Variants in CACNA1E observed in about 807,000 individuals in gnomAD.
CACNA1E encodes the protein voltage-dependent R-type calcium channel subunit alpha-1E.
In CACNA1E, 40 loss-of-function variants were observed where a neutral mutation model predicts 259.2. The observed-to-expected ratio is 0.15, with a 90% CI of 0.12 to 0.20. The LOEUF (loss-of-function observed/expected upper bound fraction) is 0.20, where lower values mean the gene tolerates loss of function less well. Among genes scored for constraint, CACNA1E ranks in the 10% least tolerant of loss-of-function variants. The pLI, the probability that CACNA1E is intolerant of heterozygous loss-of-function variation, is 1.00. For missense variants in CACNA1E, 1,874 were observed against 3,040.1 expected (o/e 0.62, Z 9.02); for synonymous variants, 1,104 against 1,138.5 (o/e 0.97, Z 0.61).
intron 2 of CACNA1E, among the ~76,000 whole-genome samples, chr1:181,455,458 G>A (rs1461824884): frequency 2.0e-5 from 3 of 152,154 alleles, no homozygotes; most frequent in Non-Finnish European, 2.9e-5. Flanking sequence ...GGTCTGTTCA[G>A]GGCAATAGGG....
chr1:181,373,473 T>C (rs1479180167), intron 1 of CACNA1E, among the ~76,000 whole-genome samples: 10 of 152,042 alleles, frequency 6.6e-5, no homozygotes, highest in Admixed American at 2.0e-4. Context: ...GTGGGGTTGA[T>C]GGTAAGTCAC....
intron 1 of CACNA1E, among the ~76,000 whole-genome samples, chr1:181,392,709 C>A (rs2102045536): frequency 6.6e-6 from 1 of 152,232 alleles, no homozygotes; most frequent in African/African-American, 2.4e-5. Context: ...CAAAAGGGTG[C>A]TTTAGAAATA....
chr1:181,439,604 C>T (rs1180629147), intron 2 of CACNA1E, among the ~76,000 whole-genome samples: 2 of 152,178 alleles, frequency 1.3e-5, no homozygotes, highest in African/African-American at 2.4e-5. Flanking sequence ...TTATTTGTCA[C>T]CTTTAATTGC....
intron 6 of CACNA1E, among the ~76,000 whole-genome samples, chr1:181,633,258 C>T (rs1656909433): frequency 6.6e-6 from 1 of 152,086 alleles, no homozygotes; most frequent in Non-Finnish European, 1.5e-5. Context: ...AAAGCAGAAC[C>T]TGAGTATAAT....
chr1:181,399,817 G>A (rs941327186), intron 1 of CACNA1E, among the ~76,000 whole-genome samples: 1 of 152,158 alleles, frequency 6.6e-6, no homozygotes, highest in African/African-American at 2.4e-5. Context: ...ATTTTCTTTG[G>A]TAAGGAATTT....
chr1:181,613,751 C>T (rs1654964763), intron 6 of CACNA1E, among the ~76,000 whole-genome samples: 1 of 152,160 alleles, frequency 6.6e-6, no homozygotes, highest in Admixed American at 6.5e-5. Flanking sequence ...TCACTTCTCT[C>T]CCTTACTAAT....
chr1:181,560,028 A>T (rs1261049923), intron 3 of CACNA1E, among the ~76,000 whole-genome samples: 1 of 150,330 alleles, frequency 6.7e-6, no homozygotes, highest in East Asian at 2.0e-4. Flanking sequence ...TGGAAGAGCT[A>T]TTTTTTTTTT....
intron 1 of CACNA1E, among the ~76,000 whole-genome samples, chr1:181,359,599 G>A (rs1653711270): frequency 6.6e-6 from 1 of 152,082 alleles, no homozygotes; most frequent in South Asian, 2.1e-4. Flanking sequence ...AAGTAGTTCC[G>A]ATACTCTATG....
chr1:181,429,564 T>TACTGCTCAGGAGCCTGGGCAC (rs1290020739), intron 2 of CACNA1E, among the ~76,000 whole-genome samples: 1 of 152,214 alleles, frequency 6.6e-6, no homozygotes, highest in Non-Finnish European at 1.5e-5. Context: ...TGCCTGGGTC[T>TACTGCTCAGGAGCCTGGGCAC]ATTGCTCAGG....
chr1:181,476,718 G>A (rs1662877060), intron 2 of CACNA1E, among the ~76,000 whole-genome samples: 1 of 152,208 alleles, frequency 6.6e-6, no homozygotes, highest in Admixed American at 6.5e-5. Context: ...GCAAGGTGTG[G>A]GCTGTGTTGT....
At position 181,707,222 on chromosome 1, in the gene CACNA1E, C is replaced by T. The variant is rs187121956; in HGVS notation, c.1056-3732C>T. On this transcript the variant is annotated intron_variant, in intron 7 of 47. Transcript: ENST00000367573. The stretch of plus-strand genomic sequence containing the variant: ...CTTGATAAAGCATCATAAAGAAGGT[C>T]CCCCACATCCTCCATTAAGGTGCTG... 5.9e-5 allele frequency among the ~76,000 whole-genome samples: 9 copies of T among 152,340 alleles called. No individual in the cohort carries two copies. The East Asian group carries it at 1.7e-3, about 29-fold the overall frequency.
At chr1:181,337,521 T>C (rs1366578722) in intron 1 of CACNA1E, among the ~76,000 whole-genome samples, 1 of 152,222 alleles carries the variant, frequency 6.6e-6, no homozygotes, top group Non-Finnish European at 1.5e-5. Context: ...TTCTCCACTT[T>C]TCTTCCTCCT....
chr1:181,576,148 G>A (rs980486088), intron 3 of CACNA1E, among the ~76,000 whole-genome samples: 4 of 152,188 alleles, frequency 2.6e-5, no homozygotes, highest in Non-Finnish European at 5.9e-5. Flanking sequence ...CAGAAACCTT[G>A]TCTAGCTCTT....
chr1:181,403,225 C>A (rs778088569), intron 1 of CACNA1E, among the ~76,000 whole-genome samples: 1 of 150,184 alleles, frequency 6.7e-6, no homozygotes. Context: ...AGATTTTTTT[C>A]GAGAATTAAG....
chr1:181,577,351 T>C (rs1294663543), intron 3 of CACNA1E, among the ~76,000 whole-genome samples: 1 of 152,070 alleles, frequency 6.6e-6, no homozygotes, highest in Non-Finnish European at 1.5e-5. Context: ...TCCAGAGAAA[T>C]TTCCTGAAGG....
At chr1:181,381,053 C>T (rs1035564876) in intron 1 of CACNA1E, among the ~76,000 whole-genome samples, 1 of 151,984 alleles carries the variant, frequency 6.6e-6, no homozygotes, top group Non-Finnish European at 1.5e-5. Context: ...GTAATCCCAG[C>T]TACTCGGGAG....
At chr1:181,779,940 G>C (rs765927688) in intron 38 of CACNA1E, among the ~76,000 whole-genome samples, 9 of 151,898 alleles carry the variant, frequency 5.9e-5, no homozygotes, top group Non-Finnish European at 1.3e-4. Flanking sequence ...AAGAATTCTG[G>C]CTTCTTTTCA....
At chr1:181,635,462 C>G (rs1329401967) in intron 6 of CACNA1E, among the ~76,000 whole-genome samples, 2 of 152,166 alleles carry the variant, frequency 1.3e-5, no homozygotes, top group Non-Finnish European at 2.9e-5. Flanking sequence ...CAAGCTTTCT[C>G]CTTCCCCAGT....
At chr1:181,669,538 G>A (rs1465704955) in intron 7 of CACNA1E, among the ~76,000 whole-genome samples, 2 of 152,164 alleles carry the variant, frequency 1.3e-5, no homozygotes, top group Non-Finnish European at 2.9e-5. Flanking sequence ...TAGAGCACTC[G>A]TTACGTTATT....
Sources: gnomAD v4.1 joint callset for allele counts (sites outside exome capture counted in the v4.1 genomes callset) on GRCh38, gnomAD v4.1.1 for gene constraint, MANE v1.5 for transcripts, NCBI Gene and HGNC (gene_info 2026-07-23, HGNC 2026-07-21) for gene names.